RBFOX1: variants seen among roughly 807,000 people sequenced by gnomAD.
The protein encoded by RBFOX1 is RNA binding fox-1 homolog 1.
A neutral mutation model predicts 57.7 loss-of-function variants in RBFOX1; 8 were observed. The observed-to-expected ratio is 0.14, with a 90% CI of 0.08 to 0.25. The LOEUF (loss-of-function observed/expected upper bound fraction) is 0.25. RBFOX1 is among the 10% of genes least tolerant of loss of function. The probability of loss-of-function intolerance (pLI) is 1.00; values close to 1 mark genes in which losing one functional copy is unlikely to be tolerated. For missense variants in RBFOX1, 611 were observed against 548.5 expected (o/e 1.11, Z -1.14); for synonymous variants, 326 against 222.4 (o/e 1.47, Z -4.15).
intron 2 of RBFOX1, among the ~76,000 whole-genome samples, chr16:6,413,600 CAGAG>C (rs1320941794): frequency 6.6e-6 from 1 of 151,774 alleles, no homozygotes; most frequent in Non-Finnish European, 1.5e-5. Flanking sequence ...AAACAATTGA[CAGAG>C]AAAGAAAGAA....
chr16:5,295,772 AG>A (rs2063651909), intron 1 of RBFOX1, among the ~76,000 whole-genome samples: 1 of 152,198 alleles, frequency 6.6e-6, no homozygotes, highest in African/African-American at 2.4e-5. Context: ...CTTGGTTATA[AG>A]AAAGTCATAG....
At chr16:5,442,628 G>C (rs543004411) in intron 1 of RBFOX1, among the ~76,000 whole-genome samples, 1 of 152,284 alleles carries the variant, frequency 6.6e-6, no homozygotes, top group South Asian at 2.1e-4. Context: ...AACCAATTGG[G>C]CTTGGGAAGT....
At chr16:6,407,594 A>AG (rs369941718) in intron 2 of RBFOX1, among the ~76,000 whole-genome samples, 95,666 of 148,820 alleles carry the variant, frequency 0.64, 31,491 homozygotes, top group African/African-American at 0.79. Flanking sequence ...AGAGAGAGAG[A>AG]AGTACATTCT....
intron 4 of RBFOX1, among the ~76,000 whole-genome samples, chr16:7,208,207 A>G (rs965259112): frequency 6.6e-6 from 1 of 152,190 alleles, no homozygotes; most frequent in Non-Finnish European, 1.5e-5. Flanking sequence ...TTATGTCACC[A>G]TCTATAATCG....
chr16:7,131,839 A>G (rs2070499365), intron 4 of RBFOX1, among the ~76,000 whole-genome samples: 1 of 151,956 alleles, frequency 6.6e-6, no homozygotes, highest in Non-Finnish European at 1.5e-5. Context: ...CCTACATCTA[A>G]ACATCCAAAT....
intron 4 of RBFOX1, among the ~76,000 whole-genome samples, chr16:7,372,645 G>A (rs944655672): frequency 6.6e-6 from 1 of 152,186 alleles, no homozygotes. Flanking sequence ...TGGAGGGGCA[G>A]CCTGTGTCCC....
intron 4 of RBFOX1, among the ~76,000 whole-genome samples, chr16:7,247,760 T>C (rs1474942156): frequency 1.3e-5 from 2 of 152,162 alleles, no homozygotes; most frequent in African/African-American, 4.8e-5. Context: ...GGGAGCAAGG[T>C]CGGTGCTGTT....
chr16:6,566,575 C>A (rs917612986), intron 2 of RBFOX1, among the ~76,000 whole-genome samples: 1 of 152,090 alleles, frequency 6.6e-6, no homozygotes, highest in African/African-American at 2.4e-5. Context: ...CCTTTGTTTG[C>A]CGAAATACTG....
intron 4 of RBFOX1, among the ~76,000 whole-genome samples, chr16:7,413,855 A>G (rs2098453933): frequency 6.6e-6 from 1 of 152,120 alleles, no homozygotes; most frequent in African/African-American, 2.4e-5. Context: ...ATTGAGGTTG[A>G]TGAGACTCAT....
rs140179260 is a variant in RBFOX1 at position 6,289,007 on chromosome 16, G to A, written c.-126-27988G>A. Among the ~76,000 whole-genome samples, 25 of 152,252 alleles carry A rather than the reference G, an allele frequency of 1.6e-4. No individual in the cohort carries two copies. The East Asian group carries it at 4.8e-3, about 29-fold the overall frequency. On this transcript the variant is annotated intron_variant, in intron 1 of 15. Coordinates refer to ENST00000550418, the MANE Select transcript of RBFOX1 (RefSeq NM_018723.4). ...TGAGAAGAGTAAGCAGGGATTGAGT[G>A]TGTCTCCAGAATCTGAACAGAATGA...
chr16:6,804,742 C>G (rs1005344455), intron 3 of RBFOX1, among the ~76,000 whole-genome samples: 6 of 152,120 alleles, frequency 3.9e-5, no homozygotes, highest in African/African-American at 1.4e-4. Context: ...TTCATGAGAG[C>G]CCTAGAATGG....
chr16:6,130,820 T>C (rs779915213), intron 1 of RBFOX1, among the ~76,000 whole-genome samples: 3 of 152,162 alleles, frequency 2.0e-5, no homozygotes, highest in Non-Finnish European at 4.4e-5. Context: ...ATGAGGAAGA[T>C]ATAACAGCCC....
chr16:6,886,189 G>A (rs924843555), intron 3 of RBFOX1, among the ~76,000 whole-genome samples: 1 of 151,838 alleles, frequency 6.6e-6, no homozygotes, highest in African/African-American at 2.4e-5. Context: ...AGCCTCCTGA[G>A]TAGCTGGGAT....
At chr16:6,148,953 A>G (rs566355571) in intron 1 of RBFOX1, among the ~76,000 whole-genome samples, 1 of 152,284 alleles carries the variant, frequency 6.6e-6, no homozygotes, top group South Asian at 2.1e-4. Context: ...TCCAAGGCTC[A>G]CAACGTAGAA....
intron 3 of RBFOX1, among the ~76,000 whole-genome samples, chr16:5,714,968 T>A (rs1001886573): frequency 6.6e-6 from 1 of 152,204 alleles, no homozygotes; most frequent in Admixed American, 6.5e-5. Flanking sequence ...TACTTCCAGT[T>A]GTGTTGAGTT....
intron 4 of RBFOX1, among the ~76,000 whole-genome samples, chr16:7,286,230 T>C (rs1252055671): frequency 6.6e-6 from 1 of 152,146 alleles, no homozygotes; most frequent in Non-Finnish European, 1.5e-5. Context: ...TAAACACTTG[T>C]AGCACAATCG....
chr16:7,156,320 A>G (rs1368283388), intron 4 of RBFOX1, among the ~76,000 whole-genome samples: 5 of 148,540 alleles, frequency 3.4e-5, no homozygotes, highest in African/African-American at 1.3e-4. Flanking sequence ...ACATATATAG[A>G]CTTGCAGCAT....
At chr16:6,882,421 C>T (rs1278995603) in intron 3 of RBFOX1, among the ~76,000 whole-genome samples, 1 of 151,968 alleles carries the variant, frequency 6.6e-6, no homozygotes, top group Non-Finnish European at 1.5e-5. Context: ...ATGATGAAAC[C>T]CCATCTTCAC....
In RBFOX1 at chr16:6,668,222, G is replaced by A. The variant is rs189042063; in HGVS notation, c.-16+13572G>A. 2.6e-3 allele frequency among the ~76,000 whole-genome samples: 395 copies of A among 152,276 alleles called. 9 individuals carry two copies. Among genetic ancestry groups the A allele is most frequent in the Non-Finnish European group, 6.3e-4 (43 of 68,030 alleles). On this transcript the variant is annotated intron_variant, in intron 3 of 15. Coordinates refer to ENST00000550418, the MANE Select transcript of RBFOX1 (RefSeq NM_018723.4). ...CTGGTGTCAAGTCATATTGATTGTG[G>A]CGGCACAGAACACCTTGTTGATGAG...
Sources: gnomAD v4.1 joint callset for allele counts (sites outside exome capture counted in the v4.1 genomes callset) on GRCh38, gnomAD v4.1.1 for gene constraint, MANE v1.5 for transcripts, NCBI Gene and HGNC (gene_info 2026-07-23, HGNC 2026-07-21) for gene names.